SNX25: variants seen among roughly 807,000 people sequenced by gnomAD.
The protein encoded by SNX25 is sorting nexin 25, also known as sorting nexin-25.
A neutral mutation model predicts 113.7 loss-of-function variants in SNX25; 62 were observed. The observed-to-expected ratio is 0.55, with a 90% confidence interval of 0.44 to 0.67. The LOEUF (loss-of-function observed/expected upper bound fraction) is 0.67, where lower values mean the gene tolerates loss of function less well. SNX25 is among the 30% of genes least tolerant of loss of function. The probability of loss-of-function intolerance (pLI) is 0.00; values close to 1 mark genes in which losing one functional copy is unlikely to be tolerated. For synonymous variants in SNX25, 421 were observed against 436.2 expected (o/e 0.97, Z 0.43); for missense variants, 1,014 against 1,161.0 (o/e 0.87, Z 1.84).
downstream of SNX25, chr4:185,364,685 TG>T (rs955213692): frequency 1.3e-5 from 2 of 152,056 alleles, no homozygotes; most frequent in Non-Finnish European, 2.9e-5. Flanking sequence ...TTTCAAACCA[TG>T]ATGATATTTG....
chr4:185,204,454 G>A (rs1488754333), exon 1 of SNX25: 1 of 152,242 alleles, frequency 6.6e-6, no homozygotes, highest in Non-Finnish European at 1.5e-5. Flanking sequence ...GACCTTTGCC[G>A]AGTGGTAAAC....
Position 185,258,922 on chromosome 4 carries a change from C to G in SNX25, c.589C>G (p.His197Asp). ...NLSRDEGQLY[H>D]LLLEDFWEIA... Reference sequence around the variant, plus strand: ...CAGCAGAGATGAGGGACAACTTTACCATCTGCTCTTGGAAGACTTTTGGGA... The same window carrying G: ...CAGCAGAGATGAGGGACAACTTTACGATCTGCTCTTGGAAGACTTTTGGGA... Residue 197 changes from histidine (H) to aspartate (D), a missense_variant, in exon 3 of 19, where the codon CAT (histidine) becomes GAT (aspartate). Coordinates refer to ENST00000652585, the MANE Select transcript of SNX25 (RefSeq NM_001378034.2). 6.2e-7 allele frequency: 1 copy of G among 1,614,146 alleles called. No individual in the cohort carries two copies. Among genetic ancestry groups the G allele is most frequent in the Non-Finnish European group, 8.5e-7 (1 of 1,180,006 alleles).
chr4:185,266,106 T>C (rs986700806), intron 4 of SNX25, among the ~76,000 whole-genome samples: 4 of 152,210 alleles, frequency 2.6e-5, no homozygotes, highest in African/African-American at 9.6e-5. Flanking sequence ...TCATTTACTA[T>C]CTCAGGATAA....
In SNX25 at chr4:185,323,671, G is replaced by A; in HGVS notation, c.1620G>A (p.Gln540=). The A allele has an allele frequency of 1.9e-6, 3 of 1,613,792 alleles. No homozygotes were observed. Among genetic ancestry groups the A allele is most frequent in the Non-Finnish European group, 2.5e-6 (3 of 1,179,852 alleles). The change falls in exon 9 of 19, where the codon CAG becomes CAA. Residue 540 remains glutamine (Q), a synonymous_variant. Coordinates refer to ENST00000652585, the MANE Select transcript of SNX25 (RefSeq NM_001378034.2). ...GTATTGAAGTATTCTACAAAATCCA[G>A]GAAGATGTTTATGAGACCCTAAAGG... ...NKGIEVFYKI[Q]EDVYETLKDR...
chr4:185,366,291 T>C (rs1243864234), downstream of SNX25: 8 of 152,242 alleles, frequency 5.3e-5, no homozygotes, highest in Admixed American at 5.2e-4. Flanking sequence ...ATGATTTCAT[T>C]GAGGCTTTTA....
chr4:185,229,667 C>T (rs1213726171), intron 1 of SNX25, among the ~76,000 whole-genome samples: 4 of 152,152 alleles, frequency 2.6e-5, no homozygotes, highest in African/African-American at 4.8e-5. Flanking sequence ...CACAGTTTTG[C>T]TGACTAAACG....
intron 5 of SNX25, among the ~76,000 whole-genome samples, chr4:185,285,533 G>C (rs1751223512): frequency 1.3e-5 from 2 of 152,166 alleles, no homozygotes; most frequent in South Asian, 4.1e-4. Context: ...ATAAATACTT[G>C]AGATTGGAAT....
intron 2 of SNX25, among the ~76,000 whole-genome samples, chr4:185,252,497 ATACT>A (rs1389682673): frequency 2.6e-5 from 4 of 152,202 alleles, no homozygotes; most frequent in Admixed American, 1.3e-4. Context: ...TGCTTATGAA[ATACT>A]TACCTAAAAA....
Position 185,339,387 on chromosome 4 carries a change from C to A in SNX25, c.1923C>A (p.Ser641=). 1 of 1,613,508 alleles carries A rather than the reference C, an allele frequency of 6.2e-7. No individual in the cohort carries two copies. Among genetic ancestry groups the A allele is most frequent in the East Asian group, 2.2e-5 (1 of 44,840 alleles). Residue 641 remains serine (S), a synonymous_variant, in exon 11 of 19, where the codon TCC becomes TCA. Transcript: ENST00000652585. ...NAPKPDKKIV[S]KLKDEIILIE... is the part of the protein sequence containing the mutation. ...TATTTTCCCTGTGGCAGATTGTTTC[C>A]AAGTTGAAGGATGAAATAATCCTAA...
At chr4:185,337,276 C>G (rs190290219) in intron 10 of SNX25, among the ~76,000 whole-genome samples, 45 of 152,286 alleles carry the variant, frequency 3.0e-4, no homozygotes, top group African/African-American at 1.1e-3. Context: ...GAAAAACCAT[C>G]ATTCTATTTT....
chr4:185,251,254 C>T (rs1408937003), intron 2 of SNX25, among the ~76,000 whole-genome samples: 1 of 152,180 alleles, frequency 6.6e-6, no homozygotes, highest in African/African-American at 2.4e-5. Context: ...CTCGGCCTCT[C>T]AAAGTGCTGG....
chr4:185,243,384 A>C (rs1744356375), intron 1 of SNX25, among the ~76,000 whole-genome samples: 1 of 152,090 alleles, frequency 6.6e-6, no homozygotes, highest in African/African-American at 2.4e-5. Context: ...CCTAGGTGGG[A>C]GGATCGCTTG....
chr4:185,301,363 CTGTATCGT>C (rs2126643025), intron 6 of SNX25, among the ~76,000 whole-genome samples: 1 of 152,264 alleles, frequency 6.6e-6, no homozygotes, highest in African/African-American at 2.4e-5. Flanking sequence ...ATCTCTTCAT[CTGTATCGT>C]TAGTCAGACT....
At position 185,323,761 on chromosome 4, in the gene SNX25, A is replaced by C. The variant is rs2095136920; in HGVS notation, c.1710A>C (p.Glu570Asp). 1 of 1,613,520 alleles carries C rather than the reference A, an allele frequency of 6.2e-7. No homozygotes were observed. Among genetic ancestry groups the C allele is most frequent in the Non-Finnish European group, 8.5e-7 (1 of 1,179,838 alleles). The change falls in exon 9 of 19, where the codon GAA (glutamate) becomes GAC (aspartate). Residue 570 changes from glutamate (E) to aspartate (D), a missense_variant. Glu to Asp is a conservative substitution (Grantham distance 45). Transcript: ENST00000652585. ...LYEKLLIKEEEKHASQMISNK... is the reference protein window; with the variant it reads ...LYEKLLIKEEDKHASQMISNK... ...AGAAATTGTTGATAAAAGAGGAAGA[A>C]AAACATGCCTCACAGATGATTTCCA...
intron 4 of SNX25, among the ~76,000 whole-genome samples, chr4:185,265,219 C>T (rs1463727397): frequency 6.6e-6 from 1 of 152,124 alleles, no homozygotes; most frequent in Non-Finnish European, 1.5e-5. Context: ...CATTGCTTAA[C>T]AACAGGGATG....
downstream of SNX25, chr4:185,366,369 C>T (rs1198106253): frequency 4.6e-5 from 7 of 152,138 alleles, no homozygotes; most frequent in Admixed American, 3.3e-4. Context: ...ACTTTTCTTA[C>T]GAATATTTTC....
At chr4:185,208,458 G>C (rs145700244), upstream of SNX25, among the ~76,000 whole-genome samples, 3 of 152,078 alleles carry the variant, frequency 2.0e-5, no homozygotes, top group Non-Finnish European at 2.9e-5. Flanking sequence ...GGCCGGGCGC[G>C]GTGGCTTACA....
chr4:185,342,608 A>T (rs578082777), intron 12 of SNX25, among the ~76,000 whole-genome samples: 1 of 149,736 alleles, frequency 6.7e-6, no homozygotes, highest in South Asian at 2.1e-4. Flanking sequence ...TGCTTGGAGG[A>T]TTCTATCACA....
rs747932891 is a variant in SNX25, at chr4:185,342,103, G to A, written c.2174G>A (p.Arg725Gln). Residue 725 changes from arginine to glutamine, a missense_variant, in exon 12 of 19, where the codon CGG becomes CAG. Coordinates refer to ENST00000652585, the MANE Select transcript of SNX25 (RefSeq NM_001378034.2). ...CTCAGCGAGTTTCAGAATTTACACC[G>A]GAAACTCAGTGAGGTATGAATACTC... is the stretch of plus-strand genomic sequence containing the variant. ...RRLSEFQNLH[R>Q]KLSECVPSLK... 22 of 1,597,848 alleles carry A rather than the reference G, an allele frequency of 1.4e-5. No individual in the cohort carries two copies. The highest frequency in any genetic ancestry group is 3.3e-4 in the Middle Eastern group (2 of 6,026).
Sources: allele counts gnomAD v4.1 joint callset (sites outside exome capture counted in the v4.1 genomes callset), GRCh38; gene constraint gnomAD v4.1.1; transcripts MANE v1.5; gene names NCBI Gene and HGNC (gene_info 2026-07-23, HGNC 2026-07-21).